The following MAML3 variants were observed in gnomAD, a reference collection of about 807,000 sequenced individuals.
MAML3 encodes the protein mastermind-like protein 3.
In MAML3, 27 loss-of-function variants were observed where a neutral mutation model predicts 101.9. The observed-to-expected ratio is 0.27, with a 90% confidence interval of 0.20 to 0.37. MAML3 has a LOEUF of 0.37. Among genes scored for constraint, MAML3 ranks in the 10% least tolerant of loss-of-function variants. MAML3 has a pLI of 1.00. For synonymous variants in MAML3, 501 were observed against 555.9 expected, an observed-to-expected ratio of 0.90 and a Z score of 1.39; for missense variants, 1,316 against 1,444.9, an observed-to-expected ratio of 0.91 and a Z score of 1.45.
intron 2 of MAML3, among the ~76,000 whole-genome samples, chr4:139,826,652 T>G (rs1286212390): frequency 6.6e-6 from 1 of 152,008 alleles, no homozygotes; most frequent in Non-Finnish European, 1.5e-5. Context: ...GCTCCCTGAG[T>G]GTAACATAAT....
At chr4:139,953,319 G>A (rs981187628) in intron 1 of MAML3, among the ~76,000 whole-genome samples, 12 of 152,092 alleles carry the variant, frequency 7.9e-5, no homozygotes, top group African/African-American at 2.2e-4. Context: ...TATGTTAACC[G>A]CTCAAAAGTT....
chr4:139,733,389 C>G (rs1560774641), intron 2 of MAML3, among the ~76,000 whole-genome samples: 1 of 152,006 alleles, frequency 6.6e-6, no homozygotes, highest in Non-Finnish European at 1.5e-5. Context: ...CCTGTGTGAC[C>G]AGCCCGCACA....
intron 1 of MAML3, among the ~76,000 whole-genome samples, chr4:140,140,361 A>C (rs1490507726): frequency 6.6e-6 from 1 of 152,168 alleles, no homozygotes; most frequent in African/African-American, 2.4e-5. Context: ...AATAAAAAAG[A>C]ATCTCTTAAT....
chr4:140,001,865 GACT>G (rs1233491573), intron 1 of MAML3, among the ~76,000 whole-genome samples: 1 of 152,076 alleles, frequency 6.6e-6, no homozygotes, highest in Non-Finnish European at 1.5e-5. Context: ...TTTACACAGA[GACT>G]ACTATGCTTT....
At chr4:139,919,856 T>G (rs1733091643) in intron 1 of MAML3, among the ~76,000 whole-genome samples, 2 of 152,246 alleles carry the variant, frequency 1.3e-5, no homozygotes, top group South Asian at 4.1e-4. Flanking sequence ...ATTACAGCAG[T>G]TCAGCTGTTT....
rs745584729 is a variant in MAML3, at chr4:140,044,974, AAAAG to A, written c.468+107882_468+107885del. 1.2e-4 allele frequency among the ~76,000 whole-genome samples: 19 copies of A among 152,328 alleles called. No homozygotes were observed. In the South Asian group the frequency reaches 2.3e-3, roughly 18 times the overall value. Reference sequence around the variant, plus strand: ...AAAAGTCATGCCTGCTTACTTAACAAAAAGAAAGAAAAATCAAAGAAAAAAAGCA... The same window carrying A: ...AAAAGTCATGCCTGCTTACTTAACAAAAAGAAAAATCAAAGAAAAAAAGCA... On this transcript the variant is annotated intron_variant, in intron 1 of 4. Transcript: ENST00000509479.
chr4:140,029,991 T>A (rs1361096850), intron 1 of MAML3, among the ~76,000 whole-genome samples: 1 of 152,156 alleles, frequency 6.6e-6, no homozygotes, highest in Non-Finnish European at 1.5e-5. Context: ...TCCACACTAT[T>A]TTCATTTAGG....
chr4:139,901,367 C>A (rs1231493005), intron 1 of MAML3, among the ~76,000 whole-genome samples: 1 of 152,172 alleles, frequency 6.6e-6, no homozygotes, highest in Non-Finnish European at 1.5e-5. Context: ...ACAATCTGAA[C>A]CCTGTACTGC....
At chr4:139,907,101 T>C (rs995112420) in intron 1 of MAML3, among the ~76,000 whole-genome samples, 1 of 152,238 alleles carries the variant, frequency 6.6e-6, no homozygotes, top group Non-Finnish European at 1.5e-5. Context: ...TGCATTCACA[T>C]GCTTATCAGT....
In MAML3 at chr4:139,807,323, C is replaced by A. The variant is rs115168780; in HGVS notation, c.2080-76656G>T. 1.2e-3 allele frequency among the ~76,000 whole-genome samples: 184 copies of A among 152,164 alleles called. 2 individuals carry two copies. Among genetic ancestry groups the A allele is most frequent in the African/African-American group, 4.3e-3 (177 of 41,508 alleles). On this transcript the variant is annotated intron_variant, in intron 2 of 4. Coordinates refer to ENST00000509479, the MANE Select transcript of MAML3 (RefSeq NM_018717.5). ...TGTGTGTATGTCTGAGTTTAGAACT[C>A]CAACCTAAGTGGACCTTATAGATTA... is the stretch of plus-strand genomic sequence containing the variant.
chr4:139,945,814 G>A (rs543307321), intron 1 of MAML3, among the ~76,000 whole-genome samples: 1 of 152,196 alleles, frequency 6.6e-6, no homozygotes, highest in East Asian at 1.9e-4. Context: ...ACCTTTCCTT[G>A]TACATCATAC....
chr4:139,719,122 G>C lies in MAML3; in HGVS notation c.*201C>G. On this transcript the variant is annotated 3_prime_UTR_variant, in exon 5 of 5. Coordinates refer to ENST00000509479, the MANE Select transcript of MAML3 (RefSeq NM_018717.5). The stretch of plus-strand genomic sequence containing the variant: ...CGGGATCTGCATGGCGTCTCATCTC[G>C]ATTGCTGTGTGAAAATCAGGTGAAA... The C allele has an allele frequency of 1.7e-6, 1 of 587,970 alleles. No individual in the cohort carries two copies. Among genetic ancestry groups the C allele is most frequent in the Admixed American group, 3.5e-5 (1 of 28,536 alleles). 36.4% of individuals were successfully genotyped at this position (587,970 alleles called of 1,614,324 possible). A position where few individuals can be genotyped will look rare whatever the true frequency, so the allele number is the denominator to read the frequency against.
At chr4:139,948,360 G>A (rs1733771318) in intron 1 of MAML3, among the ~76,000 whole-genome samples, 1 of 152,184 alleles carries the variant, frequency 6.6e-6, no homozygotes, top group Non-Finnish European at 1.5e-5. Flanking sequence ...CTTTGAAAAG[G>A]ACTAAAAACT....
intron 1 of MAML3, among the ~76,000 whole-genome samples, chr4:140,007,308 A>G (rs184536719): frequency 6.6e-5 from 10 of 152,336 alleles, no homozygotes. Context: ...GGAAAATTGC[A>G]CTCAAAGAGC....
chr4:139,836,971 A>T (rs1731264780), intron 2 of MAML3, among the ~76,000 whole-genome samples: 1 of 151,388 alleles, frequency 6.6e-6, no homozygotes, highest in Non-Finnish European at 1.5e-5. Flanking sequence ...AAAAATACAA[A>T]ATTAGCCGGG....
chr4:140,017,454 C>T (rs1726660260), intron 1 of MAML3, among the ~76,000 whole-genome samples: 1 of 151,878 alleles, frequency 6.6e-6, no homozygotes, highest in South Asian at 2.1e-4. Flanking sequence ...GATATTTATC[C>T]CAGAAAAATA....
rs1560804162 is a variant in MAML3, at chr4:139,821,021, C to T, written c.2079+68336G>A. 1.3e-5 allele frequency among the ~76,000 whole-genome samples: 2 copies of T among 152,178 alleles called. 1 individual carries two copies. ...GTAATTTCTCAAGTATCTGGTGACA[C>T]AGTTTGAAATTTGCTATGAGAAAAA... On this transcript the variant is annotated intron_variant, in intron 2 of 4. Coordinates refer to ENST00000509479, the MANE Select transcript of MAML3 (RefSeq NM_018717.5).
At position 139,890,815 on chromosome 4, in the gene MAML3, G is replaced by A. The variant is rs377372897; in HGVS notation, c.621C>T (p.Pro207=). ...AAGCTGAAGGCAGTGGCATGTTACT[G>A]GGCAAATTGTTGATGGCTTCCATCC... ...SAGMEAINNL[P]SNMPLPSASP... The change falls in exon 2 of 5, where the codon CCC becomes CCT. Residue 207 remains proline (P), a synonymous_variant. Coordinates refer to ENST00000509479, the MANE Select transcript of MAML3 (RefSeq NM_018717.5). This position sits in a 1 kb window ranked among gnomAD's most constrained non-coding sequence, Gnocchi z 4.1. 3.7e-5 allele frequency: 60 copies of A among 1,613,906 alleles called. No individual in the cohort carries two copies. Among genetic ancestry groups the A allele is most frequent in the Non-Finnish European group, 4.8e-5 (57 of 1,179,902 alleles).
At chr4:139,878,076 T>C (rs1176658446) in intron 2 of MAML3, among the ~76,000 whole-genome samples, 1 of 152,212 alleles carries the variant, frequency 6.6e-6, no homozygotes, top group Non-Finnish European at 1.5e-5. Flanking sequence ...GAAAGTCCTC[T>C]AAATGTTCTC....
Sources: allele counts gnomAD v4.1 joint callset (sites outside exome capture counted in the v4.1 genomes callset), GRCh38; gene constraint gnomAD v4.1.1; non-coding constraint Gnocchi (gnomAD v3.1); transcripts MANE v1.5; gene names NCBI Gene and HGNC (gene_info 2026-07-23, HGNC 2026-07-21).